PTN: variants seen among roughly 807,000 people sequenced by gnomAD.
The protein encoded by PTN is heparin affin regulatory protein.
In PTN, 18 loss-of-function variants were observed where a neutral mutation model predicts 24.1. The ratio of observed to expected loss-of-function variants is 0.75; its 90% CI spans 0.52 to 1.11. The LOEUF is 1.11. Among genes scored for constraint, PTN ranks in the 50% least tolerant of loss-of-function variants. The pLI is 0.00. For missense variants in PTN, 163 were observed against 198.8 expected (o/e 0.82, Z 1.08); for synonymous variants, 78 against 68.6 (o/e 1.14, Z -0.67).
intron 1 of PTN, among the ~76,000 whole-genome samples, chr7:137,329,881 G>GA (rs1463689395): frequency 3.3e-5 from 5 of 152,110 alleles, no homozygotes; most frequent in Admixed American, 1.3e-4. Flanking sequence ...TCAGCAACAA[G>GA]AAACATAGCC....
At chr7:137,229,543 A>C (rs1184738538) in intron 4 of PTN, among the ~76,000 whole-genome samples, 1 of 151,770 alleles carries the variant, frequency 6.6e-6, no homozygotes, top group East Asian at 1.9e-4. Flanking sequence ...TCCATTACAC[A>C]CTAGTAGTAT....
intron 1 of PTN, among the ~76,000 whole-genome samples, chr7:137,305,468 G>A (rs116777063): frequency 0.011 from 1,601 of 151,996 alleles, 31 homozygotes; most frequent in African/African-American, 0.037. Flanking sequence ...ACACCATTAG[G>A]GCTGCATAAA....
intron 1 of PTN, among the ~76,000 whole-genome samples, chr7:137,291,571 G>A (rs1405408118): frequency 6.6e-6 from 1 of 152,094 alleles, no homozygotes; most frequent in African/African-American, 2.4e-5. Context: ...CTGCCTACGG[G>A]TCTCTCATTG....
chr7:137,265,617 T>C (rs150555872), intron 1 of PTN, among the ~76,000 whole-genome samples: 1 of 152,204 alleles, frequency 6.6e-6, no homozygotes, highest in Non-Finnish European at 1.5e-5. Flanking sequence ...AGAGAGAGCC[T>C]GGCATGACTT....
intron 4 of PTN, among the ~76,000 whole-genome samples, chr7:137,249,272 C>CGTGTGTGT (rs60014659): frequency 0.016 from 2,328 of 145,342 alleles, 18 homozygotes; most frequent in Middle Eastern, 0.039. Flanking sequence ...GGACAGTGCA[C>CGTGTGTGT]GTGTGTGTGT....
chr7:137,328,657 AAC>A (rs1303918606), intron 1 of PTN, among the ~76,000 whole-genome samples: 1 of 152,136 alleles, frequency 6.6e-6, no homozygotes, highest in Admixed American at 6.5e-5. Flanking sequence ...AGGCTGGAGA[AAC>A]AGATTGAGCA....
At chr7:137,308,612 T>G (rs1443524304) in intron 1 of PTN, among the ~76,000 whole-genome samples, 1 of 152,110 alleles carries the variant, frequency 6.6e-6, no homozygotes, top group African/African-American at 2.4e-5. Context: ...GGTAGGGTGA[T>G]CTGGTAATAA....
chr7:137,333,249 C>T (rs903061487), intron 1 of PTN, among the ~76,000 whole-genome samples: 3 of 152,166 alleles, frequency 2.0e-5, no homozygotes, highest in African/African-American at 7.2e-5. Context: ...CCATCTGAGG[C>T]CTTCACTAGA....
intron 1 of PTN, among the ~76,000 whole-genome samples, chr7:137,339,062 G>A (rs1017414032): frequency 5.9e-5 from 9 of 151,924 alleles, no homozygotes; most frequent in Non-Finnish European, 1.3e-4. Context: ...GAAAAAAGGA[G>A]TGCCCAAAGA....
intron 4 of PTN, among the ~76,000 whole-genome samples, chr7:137,238,418 T>G (rs950992444): frequency 6.6e-6 from 1 of 152,088 alleles, no homozygotes; most frequent in African/African-American, 2.4e-5. Context: ...GCACTAAGAG[T>G]GATCATTTGT....
At chr7:137,264,972 A>ATT (rs34878730) in intron 1 of PTN, among the ~76,000 whole-genome samples, 13 of 124,922 alleles carry the variant, frequency 1.0e-4, no homozygotes, top group East Asian at 2.4e-4. Context: ...TCCAACTGCC[A>ATT]TTTTTTTTTT....
At chr7:137,266,210 T>G (rs570876254) in intron 1 of PTN, among the ~76,000 whole-genome samples, 3 of 152,214 alleles carry the variant, frequency 2.0e-5, no homozygotes, top group Admixed American at 6.5e-5. Flanking sequence ...TGATACTTTT[T>G]TAAGTTTAGC....
intron 1 of PTN, among the ~76,000 whole-genome samples, chr7:137,258,589 A>G (rs1189499202): frequency 6.6e-6 from 1 of 152,194 alleles, no homozygotes; most frequent in Admixed American, 6.6e-5. Context: ...AGAAGAGAGT[A>G]AAGAGTTTTA....
At chr7:137,327,083 T>C (rs1293190739) in intron 1 of PTN, 2 of 152,148 alleles carry the variant, frequency 1.3e-5, no homozygotes, top group Admixed American at 6.6e-5. Context: ...AAGCAAACCA[T>C]TGAAGTATGC....
chr7:137,274,217 C>T lies in PTN; in HGVS notation c.-1-19243G>A, dbSNP rs375518300. ...CAATAGTGCCCCCTCCTTACCCCAG[C>T]TGTGCCTAGAGCAGCTCCTCCTTCA... On this transcript the variant is annotated intron_variant, in intron 1 of 4. Coordinates refer to ENST00000348225, the MANE Select transcript of PTN (RefSeq NM_002825.7). Among the ~76,000 whole-genome samples the T allele has an allele frequency of 1.9e-4, 29 of 152,254 alleles. No individual in the cohort carries two copies. The East Asian group carries it at 5.0e-3, about 26-fold the overall frequency.
At chr7:137,253,245 C>T (rs967189661) in intron 3 of PTN, among the ~76,000 whole-genome samples, 1 of 152,064 alleles carries the variant, frequency 6.6e-6, no homozygotes, top group African/African-American at 2.4e-5. Flanking sequence ...CGGAAACTAG[C>T]GAGTAGAAGC....
intron 1 of PTN, among the ~76,000 whole-genome samples, chr7:137,282,174 T>G (rs980121709): frequency 2.0e-5 from 3 of 152,222 alleles, no homozygotes; most frequent in African/African-American, 7.2e-5. Flanking sequence ...AAGTCTGTAT[T>G]TAATTTTCTG....
At chr7:137,276,471 T>C (rs1402713262) in intron 1 of PTN, among the ~76,000 whole-genome samples, 1 of 152,178 alleles carries the variant, frequency 6.6e-6, no homozygotes, top group Non-Finnish European at 1.5e-5. Context: ...CGGTTACCCC[T>C]GGATATAAAA....
intron 1 of PTN, among the ~76,000 whole-genome samples, chr7:137,333,703 T>C (rs1412740061): frequency 6.6e-6 from 1 of 152,124 alleles, no homozygotes; most frequent in Non-Finnish European, 1.5e-5. Context: ...TTAAAGTTCA[T>C]ATGGAACCAA....
Sources: allele counts gnomAD v4.1 joint callset (sites outside exome capture counted in the v4.1 genomes callset), GRCh38; gene constraint gnomAD v4.1.1; transcripts MANE v1.5; gene names NCBI Gene and HGNC (gene_info 2026-07-23, HGNC 2026-07-21).